The following DBT variants were observed in gnomAD, a reference collection of about 807,000 sequenced individuals.
The protein encoded by DBT is dihydrolipoamide branched chain transacylase E2, also known as lipoamide acyltransferase component of branched-chain alpha-keto acid dehydrogenase complex, mitochondrial.
In DBT, 40 loss-of-function variants were observed where a neutral mutation model predicts 51.3. The ratio of observed to expected loss-of-function variants is 0.78; its 90% CI spans 0.61 to 1.02. The LOEUF (loss-of-function observed/expected upper bound fraction) is 1.02. Ranked by LOEUF, DBT falls within the 50% of genes least tolerant of loss-of-function variation. The probability of loss-of-function intolerance (pLI) is 0.00; values close to 1 mark genes in which losing one functional copy is unlikely to be tolerated. For missense variants in DBT, 510 were observed against 580.2 expected (o/e 0.88, Z 1.24); for synonymous variants, 181 against 190.4 (o/e 0.95, Z 0.41).
At chr1:100,202,363 T>C (rs1048699248) in intron 10 of DBT, among the ~76,000 whole-genome samples, 4 of 152,126 alleles carry the variant, frequency 2.6e-5, no homozygotes, top group African/African-American at 9.7e-5. Context: ...TAGCTAACTA[T>C]CCTAAATATA....
chr1:100,213,059 A>G (rs1662247538), intron 7 of DBT, among the ~76,000 whole-genome samples: 1 of 152,260 alleles, frequency 6.6e-6, no homozygotes, highest in East Asian at 1.9e-4. Context: ...AAAACAGACC[A>G]GAACCTGAAA....
In DBT at chr1:100,196,532, TC is replaced by T. The variant is rs1397286634; in HGVS notation, c.1282-111del. ...GGTGTAAGATCAGGCAAACCCTTCTTCCTGTACAGTACAGAAAAAAATGGGC... is the reference window on the plus strand; with the variant it reads ...GGTGTAAGATCAGGCAAACCCTTCTTCTGTACAGTACAGAAAAAAATGGGC... On this transcript the variant is annotated intron_variant, in intron 10 of 10. Coordinates refer to ENST00000370132, the MANE Select transcript of DBT (RefSeq NM_001918.5). 20 of 1,338,786 alleles carry T rather than the reference TC, an allele frequency of 1.5e-5. No individual in the cohort carries two copies. In the South Asian group the frequency reaches 2.2e-4, roughly 15 times the overall value. The allele number at this position is 1,338,786 out of a possible 1,614,324, so 82.9% of individuals were successfully genotyped here. A position where few individuals can be genotyped will look rare whatever the true frequency, so the allele number is the denominator to read the frequency against.
chr1:100,207,742 G>A (rs1476611408), intron 8 of DBT, among the ~76,000 whole-genome samples: 1 of 151,970 alleles, frequency 6.6e-6, no homozygotes, highest in Non-Finnish European at 1.5e-5. Flanking sequence ...GGGAGGCTGA[G>A]GTGGGAGGAT....
chr1:100,202,380 C>T (rs781652295), intron 10 of DBT, among the ~76,000 whole-genome samples: 3 of 152,140 alleles, frequency 2.0e-5, no homozygotes, highest in Admixed American at 6.5e-5. Flanking sequence ...TATATATGCA[C>T]CCAATACAGG....
Position 100,196,006 on chromosome 1 carries a change from A to G in DBT, c.*249T>C. On this transcript the variant is annotated 3_prime_UTR_variant, in exon 11 of 11. Transcript: ENST00000370132. ...GCCAGTTTCAAGCCATTGACACAAA[A>G]ACATCAGCACCATATTAAGAAGTCA... 1.9e-6 allele frequency: 1 copy of G among 519,752 alleles called. No individual in the cohort carries two copies. Among genetic ancestry groups the G allele is most frequent in the East Asian group, 3.5e-5 (1 of 28,864 alleles). 32.2% of individuals were successfully genotyped at this position (519,752 alleles called of 1,614,324 possible).
At position 100,193,932 on chromosome 1, in the gene DBT, A is replaced by C. The variant is rs1660933582; in HGVS notation, c.*2323T>G. ...GCCATTTAAAGCATGACAATGTGGA[A>C]TTGTTTATTGACATGTAAGGTTACC... On this transcript the variant is annotated 3_prime_UTR_variant, in exon 11 of 11. Coordinates refer to ENST00000370132, the MANE Select transcript of DBT (RefSeq NM_001918.5). 1 of 152,212 alleles carries C rather than the reference A, an allele frequency of 6.6e-6. No homozygotes were observed. The highest frequency in any genetic ancestry group is 1.5e-5 in the Non-Finnish European group (1 of 68,036). 9.4% of individuals were successfully genotyped at this position (152,212 alleles called of 1,614,324 possible). A position where few individuals can be genotyped will look rare whatever the true frequency, so the allele number is the denominator to read the frequency against.
chr1:100,235,635 A>G (rs1329492480), intron 2 of DBT, 124 bp from the exon 3 acceptor site: 1 of 597,340 alleles, frequency 1.7e-6, no homozygotes, highest in African/African-American at 1.9e-5. Flanking sequence ...TACAGACAGA[A>G]AAACAGCATT....
Position 100,206,291 on chromosome 1 carries a change from GTACCACCA to G in DBT, c.1212_1219del (p.Gly405LeufsTer10). On this transcript the variant is annotated frameshift_variant and splice_region_variant, in exon 10 of 11. Transcript: ENST00000370132. LOFTEE classifies it high-confidence loss of function. ...TGGCATTATCACTGGTTTGGCAAAGGTACCACCAATCTATTTTTTAAAAAAAAAAAAAG... is the reference window on the plus strand; with the variant it reads ...TGGCATTATCACTGGTTTGGCAAAGGATCTATTTTTTAAAAAAAAAAAAAG... The G allele has an allele frequency of 1.9e-5, 30 of 1,610,954 alleles. No homozygotes were observed. Among genetic ancestry groups the G allele is most frequent in the Non-Finnish European group, 2.5e-5 (30 of 1,178,548 alleles).
chr1:100,229,920 G>C (rs562283617), intron 4 of DBT, among the ~76,000 whole-genome samples: 35 of 152,328 alleles, frequency 2.3e-4, no homozygotes, highest in African/African-American at 8.4e-4. Flanking sequence ...TCTATCACTT[G>C]TAAGTCCCAT....
At chr1:100,244,366 A>C (rs1399182899) in intron 1 of DBT, among the ~76,000 whole-genome samples, 1 of 152,246 alleles carries the variant, frequency 6.6e-6, no homozygotes, top group Non-Finnish European at 1.5e-5. Flanking sequence ...CTATAATGTC[A>C]GTATAAGGAG....
At chr1:100,206,724 A>G in intron 8 of DBT, 88 bp from the exon 9 acceptor site, 2 of 786,138 alleles carry the variant, frequency 2.5e-6, no homozygotes, top group Non-Finnish European at 4.5e-6. Flanking sequence ...TCTAGAAACC[A>G]CTACCAAAAC....
At chr1:100,209,913 AAG>A (rs71669607) in intron 8 of DBT, among the ~76,000 whole-genome samples, 9,549 of 152,252 alleles carry the variant, frequency 0.063, 436 homozygotes, top group African/African-American at 0.12. Context: ...GCATCTCAAA[AAG>A]AGTTTTCGGT....
At chr1:100,233,797 C>A (rs1663694712) in intron 3 of DBT, among the ~76,000 whole-genome samples, 1 of 152,202 alleles carries the variant, frequency 6.6e-6, no homozygotes, top group South Asian at 2.1e-4. Context: ...CAACTTAGCA[C>A]TTTTTAAAAG....
chr1:100,230,993 G>A (rs938896112), intron 3 of DBT, 79 bp from the exon 4 acceptor site: 2 of 875,278 alleles, frequency 2.3e-6, no homozygotes, highest in African/African-American at 3.3e-5. Context: ...ATGCCATGCT[G>A]AGTTAGATCA....
In DBT at chr1:100,191,863, C is replaced by T; in HGVS notation, c.*4392G>A. The stretch of plus-strand genomic sequence containing the variant: ...GCAATGGCACAATCTCAGCTCACGG[C>T]AGCCTTTGCCCCCAGATGCAAGTGA... On this transcript the variant is annotated 3_prime_UTR_variant, in exon 11 of 11. Coordinates refer to ENST00000370132, the MANE Select transcript of DBT (RefSeq NM_001918.5). The T allele has an allele frequency of 6.6e-6, 1 of 152,358 alleles. No homozygotes were observed. The highest frequency in any genetic ancestry group is 1.5e-5 in the Non-Finnish European group (1 of 68,246). 9.4% of individuals were successfully genotyped at this position (152,358 alleles called of 1,614,324 possible).
intron 3 of DBT, among the ~76,000 whole-genome samples, chr1:100,231,694 T>C (rs964296113): frequency 6.6e-6 from 1 of 152,142 alleles, no homozygotes; most frequent in Non-Finnish European, 1.5e-5. Flanking sequence ...TCCAGAATGA[T>C]GGATTAAAGA....
chr1:100,242,038 A>G (rs192092934), intron 1 of DBT, among the ~76,000 whole-genome samples: 10 of 152,260 alleles, frequency 6.6e-5, no homozygotes, highest in East Asian at 3.9e-4. Flanking sequence ...AAAAATTTCA[A>G]TGCTATTAAT....
intron 3 of DBT, among the ~76,000 whole-genome samples, chr1:100,233,449 A>G (rs1215106391): frequency 6.6e-6 from 1 of 152,208 alleles, no homozygotes; most frequent in Non-Finnish European, 1.5e-5. Context: ...TCAAATTTCT[A>G]TTCCCAGGCT....
At chr1:100,234,540 T>G (rs1211431245) in intron 3 of DBT, among the ~76,000 whole-genome samples, 1 of 151,922 alleles carries the variant, frequency 6.6e-6, no homozygotes. Flanking sequence ...GAAAAGAAGG[T>G]ATTATCAAAT....
Sources: gnomAD v4.1 joint callset for allele counts (sites outside exome capture counted in the v4.1 genomes callset) on GRCh38, gnomAD v4.1.1 for gene constraint, MANE v1.5 for transcripts, NCBI Gene and HGNC (gene_info 2026-07-23, HGNC 2026-07-21) for gene names.